The following FRMD6 variants were observed in gnomAD, a reference collection of about 807,000 sequenced individuals.
The protein encoded by FRMD6 is FERM domain-containing protein 6.
A neutral mutation model predicts 73.2 loss-of-function variants in FRMD6; 37 were observed. The observed-to-expected ratio is 0.51, with a 90% CI of 0.39 to 0.66. FRMD6 has a LOEUF of 0.66. FRMD6 is among the 30% of genes least tolerant of loss of function. The probability of loss-of-function intolerance (pLI) is 0.00; values close to 1 mark genes in which losing one functional copy is unlikely to be tolerated. For missense variants in FRMD6, 714 were observed against 780.5 expected (o/e 0.91, Z 1.02); for synonymous variants, 273 against 282.2 (o/e 0.97, Z 0.33).
At position 51,695,687 on chromosome 14, in the gene FRMD6, T is replaced by A. The variant is rs574084708; in HGVS notation, c.100-2455T>A. Among the ~76,000 whole-genome samples the A allele has an allele frequency of 5.3e-5, 8 of 152,276 alleles. 1 individual carries two copies. The South Asian group carries it at 1.7e-3, about 32-fold the overall frequency. On this transcript the variant is annotated intron_variant, in intron 2 of 13. Transcript: ENST00000344768. ...ACATTTACTGAGTGCCTACTATAGA[T>A]CCTGAATGTAAAATAAGACACTGTT...
intron 1 of FRMD6, among the ~76,000 whole-genome samples, chr14:51,516,605 GT>G (rs1884652099): frequency 6.6e-6 from 1 of 152,160 alleles, no homozygotes; most frequent in Non-Finnish European, 1.5e-5. Context: ...TTAGAGCCCT[GT>G]CATCTTGAGT....
At chr14:51,583,038 C>T (rs1180939547) in intron 2 of FRMD6, among the ~76,000 whole-genome samples, 2 of 152,152 alleles carry the variant, frequency 1.3e-5, no homozygotes, top group African/African-American at 4.8e-5. Context: ...TATGCGTTTT[C>T]AAAAGATTTT....
chr14:51,686,877 A>G (rs1895190838), intron 1 of FRMD6, among the ~76,000 whole-genome samples: 1 of 152,150 alleles, frequency 6.6e-6, no homozygotes, highest in African/African-American at 2.4e-5. Context: ...ATACTGGTGC[A>G]TATTAGAGAT....
At chr14:51,449,476 G>T in the FRMD6 span, among the ~76,000 whole-genome samples, 1 of 152,246 alleles carries the variant, frequency 6.6e-6, no homozygotes, top group East Asian at 1.9e-4. Flanking sequence ...CAGTGCTGCT[G>T]CAGAACAGTT....
At chr14:51,446,290 C>T in the FRMD6 span, among the ~76,000 whole-genome samples, 1 of 152,150 alleles carries the variant, frequency 6.6e-6, no homozygotes, top group Non-Finnish European at 1.5e-5. Flanking sequence ...CTGGCTTCTC[C>T]TTTTCATCTT....
At chr14:51,417,478 C>T in the FRMD6 span, among the ~76,000 whole-genome samples, 4 of 152,172 alleles carry the variant, frequency 2.6e-5, no homozygotes, top group South Asian at 8.3e-4. Flanking sequence ...TGAATATTGG[C>T]CCCCACTCTC....
At chr14:51,661,579 G>A (rs916640913) in intron 1 of FRMD6, among the ~76,000 whole-genome samples, 4 of 152,100 alleles carry the variant, frequency 2.6e-5, no homozygotes, top group African/African-American at 9.7e-5. Flanking sequence ...AGCAAGCAGA[G>A]GATAGGAAGA....
the FRMD6 span, among the ~76,000 whole-genome samples, chr14:51,443,695 C>T: frequency 6.6e-6 from 1 of 152,152 alleles, no homozygotes; most frequent in African/African-American, 2.4e-5. Context: ...GCTGCAGCCT[C>T]CATCCCCATC....
intron 1 of FRMD6, among the ~76,000 whole-genome samples, chr14:51,490,946 C>T (rs17576459): frequency 0.12 from 18,898 of 152,158 alleles, 1,330 homozygotes; most frequent in Non-Finnish European, 0.16. Flanking sequence ...TTTGTGATCC[C>T]TGAGTTCCCT....
chr14:51,613,458 T>G (rs962780754), intron 2 of FRMD6, among the ~76,000 whole-genome samples: 6 of 152,140 alleles, frequency 3.9e-5, no homozygotes, highest in Non-Finnish European at 8.8e-5. Context: ...AGAAGACAGA[T>G]TGAGCAGATT....
At chr14:51,676,890 G>T (rs1334266609) in intron 1 of FRMD6, among the ~76,000 whole-genome samples, 12 of 152,056 alleles carry the variant, frequency 7.9e-5, no homozygotes, top group Non-Finnish European at 1.8e-4. Context: ...ACATATATAT[G>T]TATCCCTAAA....
chr14:51,605,766 C>G (rs377690076), intron 2 of FRMD6, among the ~76,000 whole-genome samples: 1 of 152,148 alleles, frequency 6.6e-6, no homozygotes, highest in African/African-American at 2.4e-5. Context: ...GTGGGCTATA[C>G]ATTTTGAGAC....
rs148367741 is a variant in FRMD6 at position 51,594,306 on chromosome 14, TTTTATTTA to T, written c.-147+23924_-147+23931del. 4.1e-3 allele frequency among the ~76,000 whole-genome samples: 592 copies of T among 143,062 alleles called. 2 individuals are homozygous for T. Among genetic ancestry groups the T allele is most frequent in the East Asian group, 0.014 (69 of 4,890 alleles). 93.9% of individuals were successfully genotyped at this position (143,062 alleles called of 152,430 possible). On this transcript the variant is annotated intron_variant, in intron 2 of 14. Coordinates refer to the FRMD6 transcript ENST00000356218. ...CGCCCAGCTAATTTTTGTATTTTAT[TTTTATTTA>T]TTTATTTATTTATTTATTTATTTAT... is the stretch of plus-strand genomic sequence containing the variant.
At chr14:51,529,000 C>T (rs1013759100) in intron 1 of FRMD6, among the ~76,000 whole-genome samples, 1 of 152,228 alleles carries the variant, frequency 6.6e-6, no homozygotes, top group Non-Finnish European at 1.5e-5. Context: ...AGCCCCATAT[C>T]TCCTCTCACA....
intron 1 of FRMD6, among the ~76,000 whole-genome samples, chr14:51,502,633 G>T: frequency 6.6e-6 from 1 of 152,196 alleles, no homozygotes; most frequent in African/African-American, 2.4e-5. Flanking sequence ...TGGGTAACAT[G>T]ATGACTCCAG....
intron 1 of FRMD6, among the ~76,000 whole-genome samples, chr14:51,677,893 G>A (rs146477968): frequency 6.6e-6 from 1 of 152,102 alleles, no homozygotes; most frequent in Non-Finnish European, 1.5e-5. Flanking sequence ...GGTTGATTTG[G>A]CCACTCTGAG....
At chr14:51,519,659 G>A (rs1003245092) in intron 1 of FRMD6, among the ~76,000 whole-genome samples, 20 of 152,096 alleles carry the variant, frequency 1.3e-4, no homozygotes, top group African/African-American at 4.8e-4. Context: ...ACTACAACAA[G>A]GAGGTCATGG....
chr14:51,563,401 G>T (rs1329715449), intron 1 of FRMD6, among the ~76,000 whole-genome samples: 1 of 152,188 alleles, frequency 6.6e-6, no homozygotes, highest in Non-Finnish European at 1.5e-5. Context: ...CGGGCGTGGT[G>T]GCTCATGCTT....
chr14:51,622,309 T>C (rs1182814874), intron 2 of FRMD6, among the ~76,000 whole-genome samples: 1 of 152,236 alleles, frequency 6.6e-6, no homozygotes, highest in Non-Finnish European at 1.5e-5. Flanking sequence ...AAATAATTAT[T>C]CATTTTTATA....
Sources: gnomAD v4.1 joint callset for allele counts (sites outside exome capture counted in the v4.1 genomes callset) on GRCh38, gnomAD v4.1.1 for gene constraint, MANE v1.5 for transcripts, NCBI Gene and HGNC (gene_info 2026-07-23, HGNC 2026-07-21) for gene names.